Variants in DEAF1 observed in about 807,000 individuals in gnomAD.
The protein encoded by DEAF1 is DEAF1 transcription factor, also known as deformed epidermal autoregulatory factor 1 homolog.
A neutral mutation model predicts 58.9 loss-of-function variants in DEAF1; 53 were observed. That is an observed-to-expected ratio of 0.90 (90% confidence interval 0.72 to 1.13). The LOEUF (loss-of-function observed/expected upper bound fraction) is 1.13, where lower values mean the gene tolerates loss of function less well. Ranked by LOEUF, DEAF1 falls within the 50% of genes most tolerant of loss-of-function variation. The pLI is 0.00. For synonymous variants in DEAF1, 385 were observed against 340.4 expected (o/e 1.13, Z -1.44); for missense variants, 685 against 791.4 (o/e 0.87, Z 1.61).
upstream of DEAF1, chr11:695,467 T>C (rs965970997): frequency 4.9e-6 from 3 of 606,128 alleles, no homozygotes; most frequent in African/African-American, 5.7e-5. Flanking sequence ...TGGACGGCTC[T>C]AGGCAGATTC....
chr11:662,035 G>A (rs367755481), intron 10 of DEAF1, among the ~76,000 whole-genome samples: 234 of 152,308 alleles, frequency 1.5e-3, no homozygotes, highest in Middle Eastern at 3.4e-3. Context: ...GGTGGCTCAT[G>A]CCTATAATCC....
chr11:675,571 C>T (rs1860012391), intron 9 of DEAF1, among the ~76,000 whole-genome samples: 1 of 152,208 alleles, frequency 6.6e-6, no homozygotes, highest in Non-Finnish European at 1.5e-5. Flanking sequence ...ACCTGTAATC[C>T]CAGCACTTTG....
At chr11:683,819 T>C (rs1375953149) in intron 6 of DEAF1, among the ~76,000 whole-genome samples, 2 of 152,176 alleles carry the variant, frequency 1.3e-5, no homozygotes, top group African/African-American at 4.8e-5. Flanking sequence ...CTTTAGTATC[T>C]TCCACGTACA....
At position 686,944 on chromosome 11, in the gene DEAF1, AC is replaced by A; in HGVS notation, c.717del (p.Glu239AspfsTer34). 1 of 1,614,036 alleles carries A rather than the reference AC, an allele frequency of 6.2e-7. No individual in the cohort carries two copies. On this transcript the variant is annotated frameshift_variant, in exon 5 of 12. Coordinates refer to ENST00000382409, the MANE Select transcript of DEAF1 (RefSeq NM_021008.4). LOFTEE classifies it high-confidence loss of function. ...KQGENWYSPT[E>X]FEAMAGRASS... ...CTGGCTCTTCCTGCCATGGCCTCAA[AC>A]TCGGTGGGACTGTACCAGTTCTCCC...
At chr11:650,672 G>A (rs200063885) in intron 11 of DEAF1, among the ~76,000 whole-genome samples, 3 of 151,978 alleles carry the variant, frequency 2.0e-5, no homozygotes, top group Non-Finnish European at 4.4e-5. Context: ...AAAGATGCAG[G>A]CTGGGCGCAG....
At chr11:692,971 G>T (rs373266744) in intron 1 of DEAF1, among the ~76,000 whole-genome samples, 1 of 152,216 alleles carries the variant, frequency 6.6e-6, no homozygotes, top group South Asian at 2.1e-4. Context: ...CGCGGCCACA[G>T]TGAGTGCTCA....
chr11:682,258 T>C (rs1405098627), intron 6 of DEAF1, among the ~76,000 whole-genome samples: 1 of 152,224 alleles, frequency 6.6e-6, no homozygotes, highest in Non-Finnish European at 1.5e-5. Flanking sequence ...CTTTCAACAA[T>C]GCCCTGGGGC....
chr11:702,860 C>A, intron 1 of DEAF1: 1 of 1,362,786 alleles, frequency 7.3e-7, no homozygotes, highest in South Asian at 1.4e-5. Flanking sequence ...CTGCTCTGGT[C>A]CCAGCAGCCC....
chr11:681,076 C>G lies in DEAF1; in HGVS notation c.884G>C (p.Arg295Thr). The G allele has an allele frequency of 6.2e-7, 1 of 1,614,118 alleles. No homozygotes were observed. The highest frequency in any genetic ancestry group is 8.5e-7 in the Non-Finnish European group (1 of 1,180,036). ...CDDMTLSGPV[R>T]LFVPYKRRKK... ...GCGCCTTTTGTAAGGCACAAAAAGC[C>G]TGACTGGGCCACTCTGGGGGAGAAA... Residue 295 changes from arginine to threonine, a missense_variant, in exon 7 of 12, where the codon AGG becomes ACG. By Grantham distance (71) the Arg-to-Thr change is moderately conservative. This residue lies in a region of DEAF1 where 343 missense variants were observed against 379.8 expected (regional missense o/e 0.90). Coordinates refer to ENST00000382409, the MANE Select transcript of DEAF1 (RefSeq NM_021008.4).
rs1465236398 is a variant in DEAF1, at chr11:653,959, T to C, written c.1593+3A>G. On this transcript the variant is annotated splice_donor_region_variant and intron_variant, in intron 11 of 11. Coordinates refer to ENST00000382409, the MANE Select transcript of DEAF1 (RefSeq NM_021008.4). ...CACTGAGCCTGGTGTAGGTGAGACC[T>C]ACCTTGCGTTGGCAGAAGGTGGAGC... 1.2e-6 allele frequency: 2 copies of C among 1,613,624 alleles called. No homozygotes were observed. The highest frequency in any genetic ancestry group is 8.5e-7 in the Non-Finnish European group (1 of 1,179,822).
chr11:694,557 G>A, intron 1 of DEAF1: 1 of 410,316 alleles, frequency 2.4e-6, no homozygotes, highest in South Asian at 6.4e-5. Flanking sequence ...TGGGGCAGGT[G>A]TGCAGGGCGG....
chr11:667,814 TAATA>T (rs753350735), intron 10 of DEAF1, among the ~76,000 whole-genome samples: 22 of 133,542 alleles, frequency 1.6e-4, no homozygotes, highest in Non-Finnish European at 3.1e-4. Flanking sequence ...TCTCAAAAAA[TAATA>T]AATAAATAAA....
chr11:702,735 C>A (rs963505676), intron 1 of DEAF1, among the ~76,000 whole-genome samples: 7 of 152,260 alleles, frequency 4.6e-5, no homozygotes, highest in Non-Finnish European at 7.3e-5. Flanking sequence ...GCACCTCCCC[C>A]AGGAGGGGCT....
Position 694,962 on chromosome 11 carries a change from G to GGCC in DEAF1, c.85_86insGGC (p.Ala29delinsGlyPro), listed in dbSNP as rs2133439553. 1.8e-6 allele frequency: 2 copies of GGCC among 1,089,708 alleles called. No homozygotes were observed. The highest frequency in any genetic ancestry group is 2.2e-6 in the Non-Finnish European group (2 of 893,610). 67.5% of individuals were successfully genotyped at this position (1,089,708 alleles called of 1,614,324 possible). A position where few individuals can be genotyped will look rare whatever the true frequency, so the allele number is the denominator to read the frequency against. ...CGCCTCGCCTCCTGCCGCGGCCGCG[G>GGCC]CCGCCGCCGCCACAGCGGCCGCGGC... On this transcript the variant is annotated protein_altering_variant, in exon 1 of 12. Transcript: ENST00000382409.
intron 10 of DEAF1, among the ~76,000 whole-genome samples, chr11:668,537 T>G (rs1418482953): frequency 6.6e-6 from 1 of 151,838 alleles, no homozygotes; most frequent in Non-Finnish European, 1.5e-5. Context: ...GAAGGAAACA[T>G]TTTGGCCGGG....
intron 1 of DEAF1, chr11:703,470 A>T (rs986675294): frequency 2.3e-5 from 29 of 1,258,152 alleles, no homozygotes; most frequent in African/African-American, 4.6e-5. Context: ...ACAGACCCCC[A>T]TGGGCCCCCA....
intron 10 of DEAF1, among the ~76,000 whole-genome samples, chr11:654,866 T>C (rs1027179023): frequency 6.7e-6 from 1 of 148,766 alleles, no homozygotes; most frequent in Non-Finnish European, 1.5e-5. Flanking sequence ...GAGACTCCCA[T>C]CTCAAAAAAA....
Position 684,885 on chromosome 11 carries a change from G to A in DEAF1, c.870+13C>T, listed in dbSNP as rs370799615. On this transcript the variant is annotated intron_variant, in intron 6 of 11. Transcript: ENST00000382409. ...CACCAAGTCATCCTGTTCCAGACAC[G>A]CTGGCCACTTACTAAGGTCATGTCG... The A allele has an allele frequency of 2.7e-4, 420 of 1,551,042 alleles. 1 individual carries two copies. The highest frequency in any genetic ancestry group is 3.3e-4 in the Non-Finnish European group (376 of 1,146,696).
intron 10 of DEAF1, among the ~76,000 whole-genome samples, chr11:670,604 A>G (rs1859768943): frequency 1.3e-5 from 2 of 151,646 alleles, no homozygotes; most frequent in Admixed American, 6.6e-5. Flanking sequence ...AATCCCAGCT[A>G]TCTGGGAAGC....
Sources: allele counts gnomAD v4.1 joint callset (sites outside exome capture counted in the v4.1 genomes callset), GRCh38; gene constraint gnomAD v4.1.1; regional missense constraint gnomAD v4.1.1; transcripts MANE v1.5; gene names NCBI Gene and HGNC (gene_info 2026-07-23, HGNC 2026-07-21).